LDB3: variants seen among roughly 807,000 people sequenced by gnomAD.
LDB3 encodes LIM domain-binding protein 3.
LDB3 carries 49 observed loss-of-function variants against 69.0 expected under a neutral mutation model. The ratio of observed to expected loss-of-function variants is 0.71; its 90% CI spans 0.56 to 0.90. The LOEUF is 0.90. Ranked by LOEUF, LDB3 falls within the 40% of genes least tolerant of loss-of-function variation. LDB3 has a pLI of 0.00. For missense variants in LDB3, 928 were observed against 974.1 expected (o/e 0.95, Z 0.63); for synonymous variants, 387 against 396.2 (o/e 0.98, Z 0.28).
At chr10:86,704,621 C>T (rs939527077) in intron 7 of LDB3, among the ~76,000 whole-genome samples, 1 of 149,938 alleles carries the variant, frequency 6.7e-6, no homozygotes, top group African/African-American at 2.5e-5. Context: ...GCTCTGTCGC[C>T]CAGGCTGGAG....
Position 86,716,510 on chromosome 10 carries a change from C to T in LDB3, c.1415C>T (p.Ala472Val). Residue 472 changes from alanine to valine, a missense_variant, in exon 10 of 14, where the codon GCA (alanine) becomes GTA (valine). Ala to Val is a moderately conservative substitution (Grantham distance 64). Coordinates refer to ENST00000361373, the MANE Select transcript of LDB3 (RefSeq NM_007078.3). Reference sequence around the variant, plus strand: ...TCACCTGCCCCCAACTATAACCCTGCACCCTCGGTGGCCTACAGCGGGGGC... The same window carrying T: ...TCACCTGCCCCCAACTATAACCCTGTACCCTCGGTGGCCTACAGCGGGGGC... Reference protein sequence around the residue: ...TPSPAPNYNPAPSVAYSGGPA... With the variant: ...TPSPAPNYNPVPSVAYSGGPA... 6.2e-7 allele frequency: 1 copy of T among 1,613,030 alleles called. No individual in the cohort carries two copies. Among genetic ancestry groups the T allele is most frequent in the Non-Finnish European group, 8.5e-7 (1 of 1,179,772 alleles).
intron 2 of LDB3, among the ~76,000 whole-genome samples, chr10:86,677,132 G>A (rs574777262): frequency 1.3e-3 from 194 of 152,348 alleles, no homozygotes; most frequent in Middle Eastern, 3.4e-3. Context: ...TAGGGGGTGG[G>A]GTCCGGAGCC....
At chr10:86,722,346 C>T (rs559087957) in intron 12 of LDB3, among the ~76,000 whole-genome samples, 3 of 152,086 alleles carry the variant, frequency 2.0e-5, no homozygotes, top group Admixed American at 6.6e-5. Flanking sequence ...CTGCAAGCTC[C>T]GCCTCTGGGG....
rs890074416 is a variant in LDB3, at chr10:86,716,653, G to A, written c.1558G>A (p.Ala520Thr). 1.9e-6 allele frequency: 3 copies of A among 1,613,962 alleles called. No homozygotes were observed. Among genetic ancestry groups the A allele is most frequent in the South Asian group, 1.1e-5 (1 of 91,072 alleles). ...SKQTLPRGGP[A>T]YTPAGPQVPP... The stretch of plus-strand genomic sequence containing the variant: ...GCAGACCCTGCCCCGGGGAGGCCCA[G>A]CCTACACCCCAGCGGGTCCTCAGGT... The change falls in exon 10 of 14, where the codon GCC becomes ACC. Residue 520 changes from alanine (A) to threonine (T), a missense_variant. Transcript: ENST00000361373.
intron 13 of LDB3, among the ~76,000 whole-genome samples, chr10:86,728,586 G>GTTTTTTTTTTTTTTTTTTTTTTTT (rs201899694): frequency 7.6e-6 from 1 of 131,450 alleles, no homozygotes. Context: ...TGGTTCTTTT[G>GTTTTTTTTTTTTTTTTTTTTTTTT]TTTTTTTTTT....
At chr10:86,720,507 G>T (rs1847043319) in intron 12 of LDB3, among the ~76,000 whole-genome samples, 2 of 151,306 alleles carry the variant, frequency 1.3e-5, no homozygotes, top group Non-Finnish European at 2.9e-5. Context: ...GCCCTTCCCA[G>T]CTCTGAAGTT....
At chr10:86,666,912 G>T (rs1200314595), upstream of LDB3, 2 of 465,072 alleles carry the variant, frequency 4.3e-6, no homozygotes, top group East Asian at 7.0e-5. Context: ...CACTGGTTAT[G>T]CCCTGCTGCT....
Position 86,699,393 on chromosome 10 carries a change from C to T in LDB3, c.896+6822C>T, listed in dbSNP as rs762990178. 1.9e-5 allele frequency: 31 copies of T among 1,613,310 alleles called. No individual in the cohort carries two copies. Among genetic ancestry groups the T allele is most frequent in the Non-Finnish European group, 2.5e-5 (29 of 1,179,792 alleles). On this transcript the variant is annotated intron_variant, in intron 7 of 13. Transcript: ENST00000361373. This position sits in a 1 kb window ranked among gnomAD's most constrained non-coding sequence, Gnocchi z 4.9. ...AAGCTAAAAGGCTGCCTGGAATCCC[C>T]CCACCCCAACAGGCTGGACTCCCTC...
intron 13 of LDB3, among the ~76,000 whole-genome samples, chr10:86,729,665 C>G (rs1847388898): frequency 1.3e-5 from 2 of 152,144 alleles, no homozygotes; most frequent in South Asian, 4.1e-4. Context: ...AAGGCCTCCT[C>G]CACTATGAAG....
chr10:86,716,439 A>T lies in LDB3; in HGVS notation c.1344A>T (p.Ser448=). The change falls in exon 10 of 14, where the codon TCA becomes TCT. Residue 448 remains serine (S), a synonymous_variant. Coordinates refer to ENST00000361373, the MANE Select transcript of LDB3 (RefSeq NM_007078.3). ...TPSPAPAYTP[S]PVPTYTPSPA... ...CCCCTGCCCCTGCCTACACCCCCTC[A>T]CCTGTCCCCACCTACACTCCATCCC... 8.8e-7 allele frequency: 1 copy of T among 1,130,344 alleles called. No homozygotes were observed. Among genetic ancestry groups the T allele is most frequent in the Non-Finnish European group, 1.1e-6 (1 of 900,408 alleles). The allele number at this position is 1,130,344 out of a possible 1,614,324, so 70.0% of individuals were successfully genotyped here. A position where few individuals can be genotyped will look rare whatever the true frequency, so the allele number is the denominator to read the frequency against.
intron 5 of LDB3, chr10:86,686,990 C>T (rs1845513093): frequency 7.1e-7 from 1 of 1,399,882 alleles, no homozygotes; most frequent in East Asian, 2.3e-5. Context: ...CAGCCCTTGC[C>T]TTGGCCACCC....
chr10:86,687,582 C>A lies in LDB3; in HGVS notation c.690-4314C>A, dbSNP rs566432876. ...TGGAAGAAGAGACTTCTACAGTCCTCTTAACAAGGGGACCATTCTGGAGGC... is the reference window on the plus strand; with the variant it reads ...TGGAAGAAGAGACTTCTACAGTCCTATTAACAAGGGGACCATTCTGGAGGC... On this transcript the variant is annotated intron_variant, in intron 5 of 13. Transcript: ENST00000361373. Among the ~76,000 whole-genome samples, 10 of 152,368 alleles carry A rather than the reference C, an allele frequency of 6.6e-5. No individual in the cohort carries two copies. In the South Asian group the frequency reaches 2.1e-3, roughly 32 times the overall value.
At chr10:86,731,871 C>T (rs1204377447) in intron 13 of LDB3, among the ~76,000 whole-genome samples, 3 of 151,560 alleles carry the variant, frequency 2.0e-5, no homozygotes, top group Admixed American at 1.3e-4. Context: ...TGGCTACAGG[C>T]ATATTAGGTT....
chr10:86,678,617 C>T (rs1013607906), intron 2 of LDB3, among the ~76,000 whole-genome samples: 6 of 151,980 alleles, frequency 3.9e-5, no homozygotes, highest in East Asian at 1.9e-4. Context: ...GGATTACAGG[C>T]GTGAGCCACC....
At chr10:86,719,584 C>T (rs1354682640) in intron 12 of LDB3, among the ~76,000 whole-genome samples, 6 of 152,106 alleles carry the variant, frequency 3.9e-5, no homozygotes, top group African/African-American at 1.2e-4. Flanking sequence ...CTTCTCTGAG[C>T]CTTACTTTCC....
At position 86,681,952 on chromosome 10, in the gene LDB3, A is replaced by G. The variant is rs56165849; in HGVS notation, c.689+149A>G. ...ATGAGGTCAGCAGTGATCCTGCGGC[A>G]TTTGCCATGAGCCGGGCATGCTAGC... On this transcript the variant is annotated intron_variant, in intron 5 of 13. Transcript: ENST00000361373. The G allele has an allele frequency of 0.54, 419,625 of 776,438 alleles. 117,273 individuals are homozygous for G. The highest frequency in any genetic ancestry group is 0.72 in the East Asian group (27,142 of 37,844). 48.1% of individuals were successfully genotyped at this position (776,438 alleles called of 1,614,324 possible).
intron 7 of LDB3, among the ~76,000 whole-genome samples, chr10:86,705,135 G>A (rs1431118617): frequency 6.6e-6 from 1 of 152,188 alleles, no homozygotes; most frequent in African/African-American, 2.4e-5. Flanking sequence ...ATCACAACAA[G>A]AGGTTTATTT....
At position 86,680,076 on chromosome 10, in the gene LDB3, C is replaced by G; in HGVS notation, c.246-6C>G. ...CCTCACCTGGTCTCATTTCTGGTTTCTACAGATCAAAGCGTCCCATTCCCA... is the reference window on the plus strand; with the variant it reads ...CCTCACCTGGTCTCATTTCTGGTTTGTACAGATCAAAGCGTCCCATTCCCA... On this transcript the variant is annotated splice_region_variant and splice_polypyrimidine_tract_variant and intron_variant, in intron 3 of 13. Transcript: ENST00000361373. 6.2e-7 allele frequency: 1 copy of G among 1,613,946 alleles called. No homozygotes were observed. The highest frequency in any genetic ancestry group is 8.5e-7 in the Non-Finnish European group (1 of 1,179,780).
chr10:86,721,488 G>A (rs1847084853), intron 12 of LDB3, among the ~76,000 whole-genome samples: 1 of 152,170 alleles, frequency 6.6e-6, no homozygotes, highest in African/African-American at 2.4e-5. Flanking sequence ...CTGCACCCGA[G>A]CAGTTCCCAA....
Sources: gnomAD v4.1 joint callset for allele counts (sites outside exome capture counted in the v4.1 genomes callset) on GRCh38, gnomAD v4.1.1 for gene constraint, Gnocchi (gnomAD v3.1) non-coding constraint, MANE v1.5 for transcripts, NCBI Gene and HGNC (gene_info 2026-07-23, HGNC 2026-07-21) for gene names.